TRIM54: variants seen among roughly 807,000 people sequenced by gnomAD.
The protein encoded by TRIM54 is tripartite motif containing 54.
Under a neutral mutation model 42.0 loss-of-function variants are expected in TRIM54, and 40 were observed. That is an observed-to-expected ratio of 0.95 (90% CI 0.74 to 1.24). The LOEUF (loss-of-function observed/expected upper bound fraction) is 1.24. TRIM54 is among the 50% of genes most tolerant of loss of function. The pLI, the probability that TRIM54 is intolerant of heterozygous loss-of-function variation, is 0.00. For missense variants in TRIM54, 485 were observed against 480.3 expected, an observed-to-expected ratio of 1.01 and a Z score of -0.09; for synonymous variants, 199 against 194.9, an observed-to-expected ratio of 1.02 and a Z score of -0.17.
intron 1 of TRIM54, among the ~76,000 whole-genome samples, chr2:27,283,782 G>A (rs1459718007): frequency 0.14 from 11,828 of 85,816 alleles, 732 homozygotes; most frequent in South Asian, 0.25. Flanking sequence ...ACACACACGC[G>A]CGCACACACA....
At chr2:27,283,438 C>T (rs1437076188) in intron 1 of TRIM54, among the ~76,000 whole-genome samples, 1 of 151,994 alleles carries the variant, frequency 6.6e-6, no homozygotes. Flanking sequence ...TGGGAACTCT[C>T]CCCAACTTGA....
At chr2:27,282,942 A>T in intron 1 of TRIM54, 43 bp downstream of exon 1, 3 of 1,579,290 alleles carry the variant, frequency 1.9e-6, no homozygotes, top group Non-Finnish European at 2.6e-6. Context: ...AGCAATGCAG[A>T]CCTGTGGGGG....
chr2:27,286,234 A>G (rs1470113764), intron 1 of TRIM54, among the ~76,000 whole-genome samples: 1 of 151,404 alleles, frequency 6.6e-6, no homozygotes, highest in South Asian at 2.1e-4. Flanking sequence ...GGCTCAAGTT[A>G]TCTTCCTGCC....
chr2:27,295,315 A>T (rs1678835419), intron 1 of TRIM54, among the ~76,000 whole-genome samples: 1 of 151,308 alleles, frequency 6.6e-6, no homozygotes, highest in South Asian at 2.1e-4. Context: ...CTCAAAACAT[A>T]TTTTTTTTGA....
chr2:27,283,781 C>T (rs992627882), intron 1 of TRIM54, among the ~76,000 whole-genome samples: 2 of 83,784 alleles, frequency 2.4e-5, no homozygotes, highest in Non-Finnish European at 4.4e-5. Flanking sequence ...CACACACACG[C>T]GCGCACACAC....
chr2:27,304,840 A>T (rs1307930038), intron 3 of TRIM54, 119 bp from the exon 4 acceptor site: 1 of 714,316 alleles, frequency 1.4e-6, no homozygotes, highest in African/African-American at 1.8e-5. Context: ...ATTGCTGTAG[A>T]TGCCCTTATG....
intron 4 of TRIM54, 152 bp downstream of exon 4, chr2:27,305,206 C>G: frequency 1.5e-6 from 1 of 658,834 alleles, no homozygotes; most frequent in Non-Finnish European, 2.7e-6. Context: ...TGCCAGGCTG[C>G]TGGGTGTGCA....
chr2:27,299,396 A>G lies in TRIM54; in HGVS notation c.493A>G (p.Thr165Ala), dbSNP rs781632242. The G allele has an allele frequency of 5.6e-6, 9 of 1,613,844 alleles. No individual in the cohort carries two copies. In the Admixed American group the frequency reaches 1.5e-4, roughly 27 times the overall value. Residue 165 changes from threonine to alanine, a missense_variant, in exon 3 of 9, where the codon ACC (threonine) becomes GCC (alanine). By Grantham distance (58) the Thr-to-Ala change is moderately conservative (BLOSUM62 0). Transcript: ENST00000380075. ...HKDCEVAPLP[T>A]IYKRQKSELS... ...GGACTGTGAGGTGGCCCCACTGCCCACCATTTACAAACGCCAGAAGGTATC... is the reference window on the plus strand; with the variant it reads ...GGACTGTGAGGTGGCCCCACTGCCCGCCATTTACAAACGCCAGAAGGTATC...
chr2:27,291,349 C>T (rs1678713337), intron 1 of TRIM54, among the ~76,000 whole-genome samples: 1 of 152,200 alleles, frequency 6.6e-6, no homozygotes. Flanking sequence ...GAGTGAAACC[C>T]TGTCGCAAAA....
intron 1 of TRIM54, among the ~76,000 whole-genome samples, chr2:27,297,122 C>T (rs1034276175): frequency 3.3e-5 from 5 of 152,278 alleles, no homozygotes; most frequent in Non-Finnish European, 5.9e-5. Flanking sequence ...AGGTGGTGAA[C>T]GTCAGGGTAC....
At position 27,306,386 on chromosome 2, in the gene TRIM54, T is replaced by TGGG; in HGVS notation, c.991+53_991+55dup. 1 of 1,613,498 alleles carries TGGG rather than the reference T, an allele frequency of 6.2e-7. No homozygotes were observed. The highest frequency in any genetic ancestry group is 8.5e-7 in the Non-Finnish European group (1 of 1,179,726). ...CTGAGACGGGTTCGGACCCTCTGTGTGGGGGGTGCGGCGGGCACGATGGCC... is the reference window on the plus strand; with the variant it reads ...CTGAGACGGGTTCGGACCCTCTGTGTGGGGGGGGGTGCGGCGGGCACGATGGCC... On this transcript the variant is annotated intron_variant, in intron 7 of 8. Transcript: ENST00000380075. The surrounding 1 kb of genome is among the most constrained non-coding windows in gnomAD (Gnocchi z 6.1).
Position 27,299,363 on chromosome 2 carries a change from G to C in TRIM54, c.460G>C (p.Ala154Pro), listed in dbSNP as rs997034946. Reference sequence around the variant, plus strand: ...CTGCTCTCTCTGCAAGGTCTTCGGTGCCCACAAGGACTGTGAGGTGGCCCC... The same window carrying C: ...CTGCTCTCTCTGCAAGGTCTTCGGTCCCCACAAGGACTGTGAGGTGGCCCC... Reference protein sequence around the residue: ...PTCSLCKVFGAHKDCEVAPLP... With the variant: ...PTCSLCKVFGPHKDCEVAPLP... The change falls in exon 3 of 9, where the codon GCC (alanine) becomes CCC (proline). Residue 154 changes from alanine (A) to proline (P), a missense_variant. Ala to Pro is a conservative substitution (Grantham distance 27, BLOSUM62 -1). Coordinates refer to ENST00000380075, the MANE Select transcript of TRIM54 (RefSeq NM_187841.3). The C allele has an allele frequency of 1.9e-6, 3 of 1,613,988 alleles. No individual in the cohort carries two copies. Among genetic ancestry groups the C allele is most frequent in the Admixed American group, 1.7e-5 (1 of 59,974 alleles).
intron 3 of TRIM54, among the ~76,000 whole-genome samples, chr2:27,302,899 CAT>C (rs777998758): frequency 2.6e-5 from 4 of 152,150 alleles, no homozygotes; most frequent in South Asian, 2.1e-4. Flanking sequence ...TCACTTTCCT[CAT>C]GTGTAAAATT....
Position 27,307,242 on chromosome 2 carries a change from G to A in TRIM54, c.*357G>A, listed in dbSNP as rs534128118. The A allele has an allele frequency of 4.1e-5, 21 of 506,816 alleles. No individual in the cohort carries two copies. The highest frequency in any genetic ancestry group is 6.6e-5 in the Non-Finnish European group (19 of 286,630). The allele number at this position is 506,816 out of a possible 1,614,324, so 31.4% of individuals were successfully genotyped here. A position where few individuals can be genotyped will look rare whatever the true frequency, so the allele number is the denominator to read the frequency against. ...ACCTCTGAGGTCCTGGGGATTTGGGGACCCTTGGGGTCCACATGCACCTGG... is the reference window on the plus strand; with the variant it reads ...ACCTCTGAGGTCCTGGGGATTTGGGAACCCTTGGGGTCCACATGCACCTGG... On this transcript the variant is annotated 3_prime_UTR_variant, in exon 9 of 9. Transcript: ENST00000380075. The surrounding 1 kb of genome is among the most constrained non-coding windows in gnomAD (Gnocchi z 6.9).
intron 1 of TRIM54, among the ~76,000 whole-genome samples, chr2:27,290,512 A>G (rs1399275288): frequency 6.6e-6 from 1 of 152,162 alleles, no homozygotes; most frequent in Non-Finnish European, 1.5e-5. Flanking sequence ...CTAAAAATCA[A>G]AAAATTAGCC....
chr2:27,296,907 C>T (rs1678882636), intron 1 of TRIM54, among the ~76,000 whole-genome samples: 1 of 152,092 alleles, frequency 6.6e-6, no homozygotes, highest in African/African-American at 2.4e-5. Flanking sequence ...TACAGGTGTG[C>T]ACCACCGTGC....
At chr2:27,292,491 G>T (rs117953488) in intron 1 of TRIM54, among the ~76,000 whole-genome samples, 1 of 152,148 alleles carries the variant, frequency 6.6e-6, no homozygotes, top group Non-Finnish European at 1.5e-5. Flanking sequence ...AGGATCCCTC[G>T]ATCCCAGGAA....
intron 1 of TRIM54, among the ~76,000 whole-genome samples, chr2:27,295,270 A>G (rs1181676796): frequency 6.6e-6 from 1 of 151,990 alleles, no homozygotes; most frequent in African/African-American, 2.4e-5. Context: ...AATGTCTGGA[A>G]AACCCATGAC....
rs1164806717 is a variant in TRIM54 at position 27,283,766 on chromosome 2, A to ACACACGCACGCGCGCG, written c.168+872_168+873insGCACGCGCGCGCACAC. 6.4e-4 allele frequency among the ~76,000 whole-genome samples: 57 copies of ACACACGCACGCGCGCG among 88,706 alleles called. 2 individuals are homozygous for ACACACGCACGCGCGCG. Among genetic ancestry groups the ACACACGCACGCGCGCG allele is most frequent in the Middle Eastern group, 5.1e-3 (1 of 198 alleles). The allele number at this position is 88,706 out of a possible 152,430, so 58.2% of individuals were successfully genotyped here. A position where few individuals can be genotyped will look rare whatever the true frequency, so the allele number is the denominator to read the frequency against. ...ATCAGGGAGAGTGAGGGGCAAAGGC[A>ACACACGCACGCGCGCG]CACACACACACACGCGCGCACACAC... On this transcript the variant is annotated intron_variant, in intron 1 of 8. Coordinates refer to ENST00000380075, the MANE Select transcript of TRIM54 (RefSeq NM_187841.3).
Sources: gnomAD v4.1 joint callset for allele counts (sites outside exome capture counted in the v4.1 genomes callset) on GRCh38, gnomAD v4.1.1 for gene constraint, Gnocchi (gnomAD v3.1) non-coding constraint, MANE v1.5 for transcripts, NCBI Gene and HGNC (gene_info 2026-07-23, HGNC 2026-07-21) for gene names.